Variants in DERA observed in about 807,000 individuals in gnomAD.
DERA encodes 2-deoxy-D-ribose 5-phosphate aldolase.
A neutral mutation model predicts 41.1 loss-of-function variants in DERA; 15 were observed. The ratio of observed to expected loss-of-function variants is 0.37; its 90% confidence interval spans 0.24 to 0.56. The LOEUF (loss-of-function observed/expected upper bound fraction) is 0.56, where lower values mean the gene tolerates loss of function less well. Among genes scored for constraint, DERA ranks in the 20% least tolerant of loss-of-function variants. DERA has a pLI of 0.81. For missense variants in DERA, 396 were observed against 403.4 expected, an observed-to-expected ratio of 0.98 and a Z score of 0.16; for synonymous variants, 139 against 137.4, an observed-to-expected ratio of 1.01 and a Z score of -0.08.
At chr12:16,031,945 A>G (rs964053304) in intron 6 of DERA, among the ~76,000 whole-genome samples, 1 of 152,210 alleles carries the variant, frequency 6.6e-6, no homozygotes, top group Non-Finnish European at 1.5e-5. Flanking sequence ...GTTAAACTAC[A>G]TTAATAGGTT....
At chr12:15,958,420 T>A (rs1392016434) in intron 3 of DERA, 85 bp downstream of exon 3, 6 of 1,056,352 alleles carry the variant, frequency 5.7e-6, no homozygotes, top group Non-Finnish European at 7.8e-6. Flanking sequence ...ATACAGCTGC[T>A]AATGATAGCG....
At chr12:15,944,292 A>G (rs1948430160) in intron 1 of DERA, among the ~76,000 whole-genome samples, 1 of 152,214 alleles carries the variant, frequency 6.6e-6, no homozygotes, top group African/African-American at 2.4e-5. Context: ...TAGATCCTTG[A>G]GGAGTCGCCA....
chr12:15,971,247 A>G (rs1186320684), intron 5 of DERA, among the ~76,000 whole-genome samples: 1 of 152,248 alleles, frequency 6.6e-6, no homozygotes, highest in East Asian at 1.9e-4. Context: ...CAGGAAATAT[A>G]CATAAAATAC....
At position 15,995,982 on chromosome 12, in the gene DERA, G is replaced by C. The variant is rs550770273; in HGVS notation, c.637+13546G>C. Among the ~76,000 whole-genome samples the C allele has an allele frequency of 6.6e-6, 1 of 152,140 alleles. No individual in the cohort carries two copies. Among genetic ancestry groups the C allele is most frequent in the African/African-American group, 2.4e-5 (1 of 41,422 alleles). On this transcript the variant is annotated intron_variant, in intron 6 of 8. Coordinates refer to ENST00000428559, the MANE Select transcript of DERA (RefSeq NM_015954.4). This position sits in a 1 kb window ranked among gnomAD's most constrained non-coding sequence, Gnocchi z 5.1. ...TCAGTGTCTGAATCACCTGGAAATT[G>C]GGTGCGCCACATCAGGAGGTAGGAG...
chr12:16,024,534 A>G (rs960009271), intron 6 of DERA, among the ~76,000 whole-genome samples: 5 of 152,318 alleles, frequency 3.3e-5, no homozygotes, highest in East Asian at 1.9e-4. Flanking sequence ...ACCCAACAAC[A>G]TGGAATTCTG....
intron 5 of DERA, 22 bp downstream of exon 5, chr12:15,962,969 A>G: frequency 6.3e-7 from 1 of 1,598,110 alleles, no homozygotes; most frequent in Non-Finnish European, 8.5e-7. Flanking sequence ...CTTTTACCTA[A>G]GAGAGTTTCA....
intron 6 of DERA, among the ~76,000 whole-genome samples, chr12:16,023,488 T>C (rs1949031794): frequency 6.8e-6 from 1 of 146,846 alleles, no homozygotes; most frequent in Admixed American, 6.7e-5. Flanking sequence ...TTTTTTTTTT[T>C]TTTTTTTGAG....
intron 1 of DERA, among the ~76,000 whole-genome samples, chr12:15,912,553 C>A (rs1948172242): frequency 6.6e-6 from 1 of 152,152 alleles, no homozygotes; most frequent in African/African-American, 2.4e-5. Flanking sequence ...TAAGTTTCTT[C>A]ATCTGTAAAA....
In DERA at chr12:15,994,495, C is replaced by T. The variant is rs1948823518; in HGVS notation, c.637+12059C>T. ...TTGAGACGGAGTCTCGTTCTGTCGC[C>T]CAGGCTGGAGTGCAGTGGCGCGATC... is the stretch of plus-strand genomic sequence containing the variant. On this transcript the variant is annotated intron_variant, in intron 6 of 8. Transcript: ENST00000428559. The surrounding 1 kb of genome is among the most constrained non-coding windows in gnomAD (Gnocchi z 4.8). Among the ~76,000 whole-genome samples, 1 of 152,166 alleles carries T rather than the reference C, an allele frequency of 6.6e-6. No homozygotes were observed. Among genetic ancestry groups the T allele is most frequent in the South Asian group, 2.1e-4 (1 of 4,838 alleles).
chr12:15,947,404 A>C (rs1948458668), intron 1 of DERA, among the ~76,000 whole-genome samples: 1 of 152,164 alleles, frequency 6.6e-6, no homozygotes, highest in African/African-American at 2.4e-5. Flanking sequence ...TGTTGGGTGC[A>C]TATATATTTA....
rs1356766445 is a variant in DERA at position 16,003,782 on chromosome 12, C to T, written c.637+21346C>T. Among the ~76,000 whole-genome samples the T allele has an allele frequency of 6.6e-6, 1 of 152,146 alleles. No individual in the cohort carries two copies. Among genetic ancestry groups the T allele is most frequent in the East Asian group, 1.9e-4 (1 of 5,194 alleles). The stretch of plus-strand genomic sequence containing the variant: ...CCAGCTTCCATAACTCCTCACTGCC[C>T]CTTCCCCGCAAAACCCTCTTTGTAT... On this transcript the variant is annotated intron_variant, in intron 6 of 8. Coordinates refer to ENST00000428559, the MANE Select transcript of DERA (RefSeq NM_015954.4). This position sits in a 1 kb window ranked among gnomAD's most constrained non-coding sequence, Gnocchi z 4.8.
intron 3 of DERA, among the ~76,000 whole-genome samples, chr12:15,958,652 C>T (rs1419892907): frequency 6.6e-6 from 1 of 151,460 alleles, no homozygotes; most frequent in African/African-American, 2.4e-5. Context: ...CTTTCTGATT[C>T]CCTAGCCATA....
rs908957317 is a variant in DERA, at chr12:15,976,714, C to G, written c.509-5594C>G. ...GATCTGAAGGAAAAATGATTGATTACCTTCCTAACCGTTTTAATACTTTTA... is the reference window on the plus strand; with the variant it reads ...GATCTGAAGGAAAAATGATTGATTAGCTTCCTAACCGTTTTAATACTTTTA... On this transcript the variant is annotated intron_variant, in intron 5 of 8. Transcript: ENST00000428559. The surrounding 1 kb of genome is among the most constrained non-coding windows in gnomAD (Gnocchi z 4.1). 6.6e-6 allele frequency among the ~76,000 whole-genome samples: 1 copy of G among 152,154 alleles called. No individual in the cohort carries two copies. Among genetic ancestry groups the G allele is most frequent in the Non-Finnish European group, 1.5e-5 (1 of 68,036 alleles).
chr12:15,946,556 T>C (rs973698847), intron 1 of DERA, among the ~76,000 whole-genome samples: 1 of 152,222 alleles, frequency 6.6e-6, no homozygotes, highest in Admixed American at 6.5e-5. Context: ...TTTGTGTTTC[T>C]GTGGGATTGG....
At chr12:15,952,127 C>G (rs1565593742) in intron 1 of DERA, among the ~76,000 whole-genome samples, 1 of 152,192 alleles carries the variant, frequency 6.6e-6, no homozygotes, top group South Asian at 2.1e-4. Flanking sequence ...TCTCGAACTC[C>G]TGACCTCGTG....
At chr12:16,005,102 A>C (rs1948900314) in intron 6 of DERA, among the ~76,000 whole-genome samples, 1 of 152,154 alleles carries the variant, frequency 6.6e-6, no homozygotes, top group Admixed American at 6.5e-5. Flanking sequence ...AATGAACTCA[A>C]CAGACGTGCC....
At position 15,935,954 on chromosome 12, in the gene DERA, A is replaced by G. The variant is rs189462975; in HGVS notation, c.32-20982A>G. Among the ~76,000 whole-genome samples, 1 of 152,314 alleles carries G rather than the reference A, an allele frequency of 6.6e-6. No individual in the cohort carries two copies. The highest frequency in any genetic ancestry group is 1.9e-4 in the East Asian group (1 of 5,182). On this transcript the variant is annotated intron_variant, in intron 1 of 8. Transcript: ENST00000428559. The surrounding 1 kb of genome is among the most constrained non-coding windows in gnomAD (Gnocchi z 4.8). The stretch of plus-strand genomic sequence containing the variant: ...TCTGATTCCAAAGTGGCTCACCCAT[A>G]TGGTTGGCAGCTTAGTGCTGACACC...
At chr12:15,964,314 T>G (rs1369737023) in intron 5 of DERA, among the ~76,000 whole-genome samples, 1 of 152,210 alleles carries the variant, frequency 6.6e-6, no homozygotes, top group African/African-American at 2.4e-5. Context: ...GTTTTTAGCT[T>G]GGAATATTAA....
At chr12:15,934,706 C>T (rs2136132314) in intron 1 of DERA, among the ~76,000 whole-genome samples, 1 of 152,256 alleles carries the variant, frequency 6.6e-6, no homozygotes, top group African/African-American at 2.4e-5. Flanking sequence ...CTTCTTGATT[C>T]AAGACAAGAA....
Sources: gnomAD v4.1 joint callset for allele counts (sites outside exome capture counted in the v4.1 genomes callset) on GRCh38, gnomAD v4.1.1 for gene constraint, Gnocchi (gnomAD v3.1) non-coding constraint, MANE v1.5 for transcripts, NCBI Gene and HGNC (gene_info 2026-07-23, HGNC 2026-07-21) for gene names.